Variants in LRRC36 observed in about 807,000 individuals in gnomAD.
The protein encoded by LRRC36 is leucine-rich repeat-containing protein 36.
LRRC36 carries 62 observed loss-of-function variants against 81.1 expected under a neutral mutation model. The ratio of observed to expected loss-of-function variants is 0.76; its 90% CI spans 0.62 to 0.94. The LOEUF is 0.94. LRRC36 is among the 40% of genes least tolerant of loss of function. The probability of loss-of-function intolerance (pLI) is 0.00; values close to 1 mark genes in which losing one functional copy is unlikely to be tolerated. For missense variants in LRRC36, 761 were observed against 881.7 expected (o/e 0.86, Z 1.73); for synonymous variants, 334 against 348.6 (o/e 0.96, Z 0.47).
At chr16:67,347,345 A>C in intron 3 of LRRC36, 150 bp from the exon 4 acceptor site, 1 of 1,444,892 alleles carries the variant, frequency 6.9e-7, no homozygotes, top group Non-Finnish European at 9.2e-7. Context: ...TCCAGTGACA[A>C]CATAATAGCA....
At chr16:67,332,887 TA>T (rs1319008662) in intron 1 of LRRC36, among the ~76,000 whole-genome samples, 4 of 151,670 alleles carry the variant, frequency 2.6e-5, no homozygotes, top group Non-Finnish European at 5.9e-5. Context: ...TTATTTATTT[TA>T]TTTATTTATT....
At chr16:67,380,402 A>G (rs1049787844) in intron 12 of LRRC36, among the ~76,000 whole-genome samples, 26 of 152,210 alleles carry the variant, frequency 1.7e-4, no homozygotes, top group African/African-American at 5.8e-4. Context: ...TGATAAGTGA[A>G]AAATAATATC....
At chr16:67,347,466 C>G in intron 3 of LRRC36, 29 bp from the exon 4 acceptor site, 1 of 1,611,500 alleles carries the variant, frequency 6.2e-7, no homozygotes, top group Non-Finnish European at 8.5e-7. Context: ...AAAAAAGAAA[C>G]ATGCTCAGAC....
chr16:67,374,552 T>C (rs1165151985), intron 9 of LRRC36, among the ~76,000 whole-genome samples: 1 of 151,908 alleles, frequency 6.6e-6, no homozygotes, highest in Non-Finnish European at 1.5e-5. Flanking sequence ...CCCACCATCA[T>C]GCCTGGCTAA....
intron 5 of LRRC36, among the ~76,000 whole-genome samples, chr16:67,356,546 T>G (rs2142061392): frequency 6.6e-6 from 1 of 152,300 alleles, no homozygotes; most frequent in African/African-American, 2.4e-5. Context: ...AAGAAGTGCA[T>G]ATCTACTGGG....
rs763923728 is a variant in LRRC36, at chr16:67,363,597, C to T, written c.585C>T (p.Asn195=). ...CTTTTTCTTTTAACACAGACTCAAA[C>T]AAAGGACTTTTTATTCCCTTCCCCA... ...NVDSRIEMDS[N]KGLFIPFPNR... The change falls in exon 6 of 14, where the codon AAC becomes AAT. Residue 195 remains asparagine (N), a synonymous_variant. Transcript: ENST00000329956. The T allele has an allele frequency of 1.2e-6, 2 of 1,613,674 alleles. No individual in the cohort carries two copies. The highest frequency in any genetic ancestry group is 1.3e-5 in the African/African-American group (1 of 74,904).
chr16:67,365,261 G>C, intron 6 of LRRC36, 43 bp from the exon 7 acceptor site: 1 of 1,342,598 alleles, frequency 7.4e-7, no homozygotes, highest in Non-Finnish European at 1.1e-6. Flanking sequence ...ACATTTGAAC[G>C]CGCATGGACT....
At position 67,385,057 on chromosome 16, in the gene LRRC36, GT is replaced by G; in HGVS notation, c.2234del (p.Val745AlafsTer42). On this transcript the variant is annotated frameshift_variant, in exon 14 of 14. Coordinates refer to ENST00000329956, the MANE Select transcript of LRRC36 (RefSeq NM_018296.6). LOFTEE classifies it high-confidence loss of function. ...HETGQYLIQS[V>X]LDAAPEPGL ...GACTGGTCAGTATCTAATACAGAGC[GT>G]CTTGGATGCTGCCCCAGAGCCTGGC... 6.2e-7 allele frequency: 1 copy of G among 1,614,052 alleles called. No homozygotes were observed. The highest frequency in any genetic ancestry group is 8.5e-7 in the Non-Finnish European group (1 of 1,180,014).
At chr16:67,330,586 G>A (rs533587823) in intron 1 of LRRC36, among the ~76,000 whole-genome samples, 1 of 152,220 alleles carries the variant, frequency 6.6e-6, no homozygotes, top group Non-Finnish European at 1.5e-5. Flanking sequence ...TTAGGGCTGG[G>A]CATGGTCGTT....
chr16:67,359,996 A>G (rs1379769160), intron 5 of LRRC36, among the ~76,000 whole-genome samples: 2 of 152,078 alleles, frequency 1.3e-5, no homozygotes, highest in Non-Finnish European at 2.9e-5. Context: ...GTGGTGGTGC[A>G]TACCTGTAGT....
chr16:67,370,796 T>G (rs1341869220), intron 8 of LRRC36, 148 bp from the exon 9 acceptor site: 2 of 664,478 alleles, frequency 3.0e-6, no homozygotes, highest in Non-Finnish European at 5.2e-6. Context: ...CGGTTAGATT[T>G]AACCAGAGTT....
intron 1 of LRRC36, among the ~76,000 whole-genome samples, chr16:67,335,014 C>T (rs533883929): frequency 2.6e-5 from 4 of 152,180 alleles, no homozygotes; most frequent in Non-Finnish European, 4.4e-5. Context: ...GGAGGCAGGG[C>T]GAGATCACAG....
At chr16:67,378,235 CTTTTTTT>C (rs1015471341) in intron 11 of LRRC36, among the ~76,000 whole-genome samples, 2 of 100,522 alleles carry the variant, frequency 2.0e-5, no homozygotes, top group Non-Finnish European at 3.7e-5. Context: ...ATGTCAGATT[CTTTTTTT>C]TTTTTTTTTT....
chr16:67,375,265 G>T lies in LRRC36; in HGVS notation c.1513G>T (p.Gly505Cys). ...TCTTGAGCCTCTCTCTAGTGACCTG[G>T]GTAGTTTGCACGGTTTGGCTGGAAA... Reference protein sequence around the residue: ...TGSEPLSSDLGSLHGLAGNHS... With the variant: ...TGSEPLSSDLCSLHGLAGNHS... Residue 505 changes from glycine (G) to cysteine (C), a missense_variant, in exon 10 of 14, where the codon GGT (glycine) becomes TGT (cysteine). Coordinates refer to ENST00000329956, the MANE Select transcript of LRRC36 (RefSeq NM_018296.6). 2 of 1,612,224 alleles carry T rather than the reference G, an allele frequency of 1.2e-6. No homozygotes were observed. The highest frequency in any genetic ancestry group is 8.5e-7 in the Non-Finnish European group (1 of 1,179,750).
chr16:67,366,929 G>C (rs2039422352), intron 7 of LRRC36, 88 bp from the exon 8 acceptor site: 5 of 1,023,164 alleles, frequency 4.9e-6, no homozygotes, highest in Non-Finnish European at 7.3e-6. Flanking sequence ...CTGGCAGACA[G>C]AGAATATGTT....
chr16:67,337,877 G>A (rs895329486), intron 1 of LRRC36, among the ~76,000 whole-genome samples: 5 of 151,952 alleles, frequency 3.3e-5, no homozygotes, highest in African/African-American at 9.7e-5. Flanking sequence ...CCTGAGGTCG[G>A]GAGTTTGAGA....
At chr16:67,347,364 T>A in intron 3 of LRRC36, 131 bp from the exon 4 acceptor site, 1 of 1,487,064 alleles carries the variant, frequency 6.7e-7, no homozygotes, top group Non-Finnish European at 9.0e-7. Context: ...CATTATTTTG[T>A]GACCTGTCTC....
Position 67,341,941 on chromosome 16 carries a change from G to C in LRRC36, c.71-16G>C. On this transcript the variant is annotated splice_polypyrimidine_tract_variant and intron_variant, in intron 1 of 13. Transcript: ENST00000329956. ...GAGCAGGGATCATAATATATCTACT[G>C]ATGATCTCTTTTCAGAACTGGTGGA... 4 of 1,600,046 alleles carry C rather than the reference G, an allele frequency of 2.5e-6. No homozygotes were observed. The highest frequency in any genetic ancestry group is 3.4e-6 in the Non-Finnish European group (4 of 1,171,984).
intron 8 of LRRC36, among the ~76,000 whole-genome samples, chr16:67,369,668 G>A (rs2039550349): frequency 6.6e-6 from 1 of 152,188 alleles, no homozygotes; most frequent in East Asian, 1.9e-4. Flanking sequence ...GGCTGGGGAG[G>A]CCTCACAATC....
Sources: allele counts gnomAD v4.1 joint callset (sites outside exome capture counted in the v4.1 genomes callset), GRCh38; gene constraint gnomAD v4.1.1; transcripts MANE v1.5; gene names NCBI Gene and HGNC (gene_info 2026-07-23, HGNC 2026-07-21).